Variants in DTX1 observed in about 807,000 individuals in gnomAD.
The protein encoded by DTX1 is E3 ubiquitin-protein ligase DTX1.
In DTX1, 26 loss-of-function variants were observed where a neutral mutation model predicts 57.8. The ratio of observed to expected loss-of-function variants is 0.45; its 90% CI spans 0.33 to 0.62. DTX1 has a LOEUF of 0.62. DTX1 is among the 20% of genes least tolerant of loss of function. The probability of loss-of-function intolerance (pLI) is 0.02; values close to 1 mark genes in which losing one functional copy is unlikely to be tolerated. For synonymous variants in DTX1, 398 were observed against 394.1 expected, an observed-to-expected ratio of 1.01 and a Z score of -0.12; for missense variants, 704 against 895.3, an observed-to-expected ratio of 0.79 and a Z score of 2.73.
intron 2 of DTX1, among the ~76,000 whole-genome samples, chr12:113,070,228 G>C (rs2044729929): frequency 6.6e-6 from 1 of 152,238 alleles, no homozygotes; most frequent in South Asian, 2.1e-4. Flanking sequence ...TGCTCTCTGA[G>C]TGTGGATGGC....
Position 113,097,257 on chromosome 12 carries a change from T to G in DTX1, c.*318T>G. On this transcript the variant is annotated 3_prime_UTR_variant, in exon 10 of 10. Transcript: ENST00000548759. Reference sequence around the variant, plus strand: ...TGCACGCACACCCACGTGCCTGTACTTGCCCCCAGGCTGGAAGAGAAGAGA... The same window carrying G: ...TGCACGCACACCCACGTGCCTGTACGTGCCCCCAGGCTGGAAGAGAAGAGA... 2 of 294,396 alleles carry G rather than the reference T, an allele frequency of 6.8e-6. No homozygotes were observed. The highest frequency in any genetic ancestry group is 6.4e-6 in the Non-Finnish European group (1 of 157,472). The allele number at this position is 294,396 out of a possible 1,614,324, so 18.2% of individuals were successfully genotyped here.
intron 2 of DTX1, among the ~76,000 whole-genome samples, chr12:113,064,317 A>G (rs746942397): frequency 1.4e-4 from 22 of 152,134 alleles, no homozygotes; most frequent in Non-Finnish European, 3.1e-4. Flanking sequence ...CTGTATTTCT[A>G]CTATTGCAGA....
chr12:113,060,625 G>A (rs1262438018), intron 2 of DTX1, among the ~76,000 whole-genome samples: 1 of 152,194 alleles, frequency 6.6e-6, no homozygotes, highest in Non-Finnish European at 1.5e-5. Flanking sequence ...AGCAAGGACC[G>A]GATGTACAGG....
At chr12:113,065,673 G>A (rs935661431) in intron 2 of DTX1, among the ~76,000 whole-genome samples, 1 of 152,188 alleles carries the variant, frequency 6.6e-6, no homozygotes, top group African/African-American at 2.4e-5. Context: ...AGGTGATGCG[G>A]AAGTGACAGG....
chr12:113,086,709 C>G (rs1316419261), intron 3 of DTX1, among the ~76,000 whole-genome samples: 3 of 151,824 alleles, frequency 2.0e-5, no homozygotes, highest in Non-Finnish European at 4.4e-5. Context: ...TTAAAAAATC[C>G]ACATTTTCTT....
Position 113,077,520 on chromosome 12 carries a change from C to T in DTX1, c.356C>T (p.Thr119Met), listed in dbSNP as rs764005756. ...TGGGAGAACGACGGCGGCGCATGGA[C>T]GGCCTACGATATGGACATCTGCATC... ...WEWENDGGAW[T>M]AYDMDICITI... The change falls in exon 3 of 10, where the codon ACG becomes ATG. Residue 119 changes from threonine (T) to methionine (M), a missense_variant. Around this residue, in one of 3 missense-constraint regions of DTX1, gnomAD observed 237 missense variants for 328.6 expected, o/e 0.72. Coordinates refer to ENST00000548759, the MANE Select transcript of DTX1 (RefSeq NM_004416.3). The surrounding 1 kb of genome is among the most constrained non-coding windows in gnomAD (Gnocchi z 7.8). The T allele has an allele frequency of 1.2e-6, 2 of 1,613,636 alleles. No homozygotes were observed. Among genetic ancestry groups the T allele is most frequent in the South Asian group, 1.1e-5 (1 of 91,080 alleles).
In DTX1 at chr12:113,062,536, C is replaced by T. The variant is rs532160654; in HGVS notation, c.259+4085C>T. Among the ~76,000 whole-genome samples, 18 of 152,336 alleles carry T rather than the reference C, an allele frequency of 1.2e-4. No individual in the cohort carries two copies. In the East Asian group the frequency reaches 2.5e-3, roughly 21 times the overall value. On this transcript the variant is annotated intron_variant, in intron 2 of 9. Transcript: ENST00000548759. ...GTGGGTGGATTTGGCCTGTGTGCTG[C>T]AGGTTCACTGACCCCTGCCCCACAT...
chr12:113,087,061 C>G (rs1461765813), intron 3 of DTX1, among the ~76,000 whole-genome samples: 2 of 152,082 alleles, frequency 1.3e-5, no homozygotes, highest in African/African-American at 2.4e-5. Context: ...CCTCCCTGCC[C>G]CCAACCATCT....
chr12:113,057,292 C>G (rs2044631441), intron 1 of DTX1, among the ~76,000 whole-genome samples, 157 bp from the exon 2 acceptor site: 1 of 152,174 alleles, frequency 6.6e-6, no homozygotes, highest in South Asian at 2.1e-4. Flanking sequence ...CCCTCCAGGC[C>G]TGCCCCAAGG....
chr12:113,090,013 T>C (rs963980268), intron 3 of DTX1: 2 of 152,232 alleles, frequency 1.3e-5, no homozygotes, highest in African/African-American at 4.8e-5. Context: ...CTGAGGACTC[T>C]GCTAAGCTTG....
At chr12:113,079,450 C>T (rs943737749) in intron 3 of DTX1, among the ~76,000 whole-genome samples, 8 of 151,272 alleles carry the variant, frequency 5.3e-5, no homozygotes, top group African/African-American at 1.9e-4. Context: ...CTAGGTGGCC[C>T]TATTCACCTT....
At chr12:113,091,440 T>A (rs905716413) in intron 3 of DTX1, among the ~76,000 whole-genome samples, 3 of 124,138 alleles carry the variant, frequency 2.4e-5, no homozygotes, top group Non-Finnish European at 6.0e-5. Flanking sequence ...GGTATCTGTG[T>A]GTCTGTGTGT....
intron 2 of DTX1, among the ~76,000 whole-genome samples, chr12:113,067,869 C>T (rs567454860): frequency 2.3e-5 from 2 of 86,762 alleles, no homozygotes; most frequent in African/African-American, 1.1e-4. Flanking sequence ...CCATCTCCAC[C>T]AAATAAAAAC....
intron 9 of DTX1, 129 bp downstream of exon 9, chr12:113,095,543 A>C: frequency 5.2e-6 from 6 of 1,153,278 alleles, no homozygotes; most frequent in Non-Finnish European, 6.1e-6. Context: ...CAGCACCCGA[A>C]CAGTAACGAC....
At chr12:113,076,458 GAAAAA>G (rs56382675) in intron 2 of DTX1, among the ~76,000 whole-genome samples, 1 of 126,520 alleles carries the variant, frequency 7.9e-6, no homozygotes, top group Admixed American at 8.2e-5. Flanking sequence ...ACTCTGCCTG[GAAAAA>G]AAAAAAAAAA....
chr12:113,077,635 G>C lies in DTX1; in HGVS notation c.471G>C (p.Ser157=). 6.2e-7 allele frequency: 1 copy of C among 1,610,102 alleles called. No individual in the cohort carries two copies. The highest frequency in any genetic ancestry group is 8.5e-7 in the Non-Finnish European group (1 of 1,179,000). Residue 157 remains serine (S), a synonymous_variant, in exon 3 of 10, where the codon TCG becomes TCC. Transcript: ENST00000548759. This position sits in a 1 kb window ranked among gnomAD's most constrained non-coding sequence, Gnocchi z 7.8. The part of the protein sequence containing the change: ...FCYLIYFNSM[S]QMNRQTRRRR... ...ACCTCATCTACTTCAACAGCATGTC[G>C]CAGATGAACCGCCAGACGCGCCGGC...
At chr12:113,084,645 A>G (rs1429064322) in intron 3 of DTX1, among the ~76,000 whole-genome samples, 3 of 152,194 alleles carry the variant, frequency 2.0e-5, no homozygotes, top group Non-Finnish European at 2.9e-5. Context: ...TTGGCCTCCC[A>G]AAGCACTGGG....
intron 2 of DTX1, among the ~76,000 whole-genome samples, chr12:113,066,547 G>C (rs562542119): frequency 6.6e-6 from 1 of 151,186 alleles, no homozygotes; most frequent in African/African-American, 2.4e-5. Flanking sequence ...AAAAAGAATC[G>C]TAGTGGGTGG....
intron 2 of DTX1, among the ~76,000 whole-genome samples, chr12:113,062,874 G>A: frequency 6.6e-6 from 1 of 152,234 alleles, no homozygotes; most frequent in Admixed American, 6.5e-5. Context: ...ACTGCTCCCT[G>A]CAGGGGGTGA....
Sources: gnomAD v4.1 joint callset for allele counts (sites outside exome capture counted in the v4.1 genomes callset) on GRCh38, gnomAD v4.1.1 for gene constraint, gnomAD v4.1.1 regional missense constraint, Gnocchi (gnomAD v3.1) non-coding constraint, MANE v1.5 for transcripts, NCBI Gene and HGNC (gene_info 2026-07-23, HGNC 2026-07-21) for gene names.